Variants in PDE1A observed in about 807,000 individuals in gnomAD.
PDE1A encodes phosphodiesterase 1A.
PDE1A carries 35 observed loss-of-function variants against 61.7 expected under a neutral mutation model. That is an observed-to-expected ratio of 0.57 (90% CI 0.43 to 0.75). The LOEUF (loss-of-function observed/expected upper bound fraction) is 0.75. Ranked by LOEUF, PDE1A falls within the 30% of genes least tolerant of loss-of-function variation. The probability of loss-of-function intolerance (pLI) is 0.00; values close to 1 mark genes in which losing one functional copy is unlikely to be tolerated. For missense variants in PDE1A, 597 were observed against 630.6 expected (o/e 0.95, Z 0.57); for synonymous variants, 232 against 213.2 (o/e 1.09, Z -0.77).
the PDE1A span, among the ~76,000 whole-genome samples, chr2:182,546,117 T>A: frequency 5.3e-5 from 8 of 152,224 alleles, no homozygotes; most frequent in Non-Finnish European, 1.2e-4. Flanking sequence ...CCCTTGTTAC[T>A]GAAGCAAGTG....
chr2:182,155,084 CTTTT>C (rs11375672), intron 13 of PDE1A, among the ~76,000 whole-genome samples: 2 of 111,542 alleles, frequency 1.8e-5, no homozygotes, highest in Non-Finnish European at 1.7e-5. Context: ...TTTAATTCTG[CTTTT>C]TTTTTTTTTT....
At chr2:182,180,802 C>T (rs1684696018) in intron 13 of PDE1A, among the ~76,000 whole-genome samples, 1 of 151,820 alleles carries the variant, frequency 6.6e-6, no homozygotes, top group Non-Finnish European at 1.5e-5. Context: ...TATTTTTTCT[C>T]TAATCTTGTC....
chr2:182,290,976 GT>G (rs749767751), intron 1 of PDE1A, among the ~76,000 whole-genome samples: 5 of 152,032 alleles, frequency 3.3e-5, no homozygotes, highest in Non-Finnish European at 7.4e-5. Context: ...TGGTTTTCAT[GT>G]GTTCTGACTT....
chr2:182,276,995 T>A (rs903210997), intron 1 of PDE1A, among the ~76,000 whole-genome samples: 2 of 152,104 alleles, frequency 1.3e-5, no homozygotes, highest in Admixed American at 1.3e-4. Flanking sequence ...CGCTGTTTTC[T>A]GTTGTTTAAG....
chr2:182,376,611 C>A (rs1700420418), intron 1 of PDE1A, among the ~76,000 whole-genome samples: 1 of 152,210 alleles, frequency 6.6e-6, no homozygotes, highest in African/African-American at 2.4e-5. Context: ...CTGTTCCAAC[C>A]TCTGCCTGTT....
At chr2:182,500,277 T>A (rs1689008675) in intron 2 of PDE1A, among the ~76,000 whole-genome samples, 1 of 152,172 alleles carries the variant, frequency 6.6e-6, no homozygotes, top group African/African-American at 2.4e-5. Flanking sequence ...AAACCTCAAA[T>A]ACTGATTCAC....
chr2:182,336,980 T>A (rs6718641), intron 1 of PDE1A, among the ~76,000 whole-genome samples: 95 of 50,460 alleles, frequency 1.9e-3, no homozygotes, highest in Non-Finnish European at 2.7e-3. Flanking sequence ...TTTTTTTAAA[T>A]AAAGAATAAA....
At chr2:182,713,459 C>T in the PDE1A span, among the ~76,000 whole-genome samples, 1 of 152,192 alleles carries the variant, frequency 6.6e-6, no homozygotes, top group African/African-American at 2.4e-5. Context: ...GATGAAACCT[C>T]GTCTCTACTA....
chr2:182,644,138 C>CACACACACAT, the PDE1A span, among the ~76,000 whole-genome samples: 1 of 150,692 alleles, frequency 6.6e-6, no homozygotes, highest in Non-Finnish European at 1.5e-5. Context: ...TACACACACA[C>CACACACACAT]ACACACACAC....
chr2:182,236,228 A>G (rs781700433), intron 3 of PDE1A, among the ~76,000 whole-genome samples: 2 of 152,202 alleles, frequency 1.3e-5, no homozygotes, highest in African/African-American at 4.8e-5. Flanking sequence ...AACTAAAAAT[A>G]CTTATATTAA....
chr2:182,583,289 T>C, the PDE1A span, among the ~76,000 whole-genome samples: 5 of 152,250 alleles, frequency 3.3e-5, no homozygotes, highest in Admixed American at 1.3e-4. Context: ...AATTCAATAA[T>C]TGAGGAAATT....
chr2:182,409,839 T>G (rs1183650144), intron 1 of PDE1A, among the ~76,000 whole-genome samples: 2 of 152,222 alleles, frequency 1.3e-5, no homozygotes, highest in African/African-American at 2.4e-5. Flanking sequence ...TTAAATGTGA[T>G]GTTTCTTCTT....
At chr2:182,693,820 T>C in the PDE1A span, among the ~76,000 whole-genome samples, 1 of 152,026 alleles carries the variant, frequency 6.6e-6, no homozygotes, top group East Asian at 1.9e-4. Flanking sequence ...CTAATTTTTG[T>C]ATTTTTAGTA....
chr2:182,559,858 C>A, the PDE1A span, among the ~76,000 whole-genome samples: 704 of 152,074 alleles, frequency 4.6e-3, 7 homozygotes, highest in Non-Finnish European at 5.7e-3. Flanking sequence ...CGAGCAAAAG[C>A]CAGTTACAAA....
chr2:182,222,688 T>C (rs1230912433), intron 7 of PDE1A, among the ~76,000 whole-genome samples: 1 of 151,910 alleles, frequency 6.6e-6, no homozygotes, highest in African/African-American at 2.4e-5. Context: ...CCTGTTCGAT[T>C]TTTCTGTGAA....
chr2:182,269,936 T>C (rs1350989887), intron 1 of PDE1A, among the ~76,000 whole-genome samples: 1 of 152,168 alleles, frequency 6.6e-6, no homozygotes, highest in Non-Finnish European at 1.5e-5. Flanking sequence ...TATTGGTATA[T>C]ACCTTCATTT....
At chr2:182,501,937 C>T (rs1376682994) in intron 2 of PDE1A, among the ~76,000 whole-genome samples, 2 of 152,148 alleles carry the variant, frequency 1.3e-5, no homozygotes, top group Non-Finnish European at 2.9e-5. Flanking sequence ...CTGCCCTGAA[C>T]CTCTGAGCCT....
chr2:182,631,335 T>G, the PDE1A span, among the ~76,000 whole-genome samples: 19 of 152,104 alleles, frequency 1.2e-4, no homozygotes, highest in South Asian at 2.3e-3. Flanking sequence ...ATACTTTAAG[T>G]TTTAGGGTAC....
At chr2:182,492,536 T>A (rs1203668716) in intron 2 of PDE1A, among the ~76,000 whole-genome samples, 1 of 151,902 alleles carries the variant, frequency 6.6e-6, no homozygotes, top group East Asian at 1.9e-4. Flanking sequence ...TTTCTGAAAT[T>A]CTGAGCTTAG....
Sources: gnomAD v4.1 joint callset for allele counts (sites outside exome capture counted in the v4.1 genomes callset) on GRCh38, gnomAD v4.1.1 for gene constraint, MANE v1.5 for transcripts, NCBI Gene and HGNC (gene_info 2026-07-23, HGNC 2026-07-21) for gene names.